The following CDK2 variants were observed in gnomAD, a reference collection of about 807,000 sequenced individuals.
CDK2 encodes the protein cyclin-dependent kinase 2.
A neutral mutation model predicts 35.0 loss-of-function variants in CDK2; 8 were observed. That is an observed-to-expected ratio of 0.23 (90% CI 0.13 to 0.41). CDK2 has a LOEUF of 0.41. Among genes scored for constraint, CDK2 ranks in the 10% least tolerant of loss-of-function variants. The pLI is 1.00. For synonymous variants in CDK2, 134 were observed against 137.7 expected (o/e 0.97, Z 0.19); for missense variants, 201 against 367.1 (o/e 0.55, Z 3.70).
In CDK2 at chr12:55,967,895, T is replaced by C. The variant is rs1000506207; in HGVS notation, c.155T>C (p.Ile52Thr). The C allele has an allele frequency of 6.2e-7, 1 of 1,613,992 alleles. No homozygotes were observed. The highest frequency in any genetic ancestry group is 8.5e-7 in the Non-Finnish European group (1 of 1,180,020). ...GTGCCCAGTACTGCCATCCGAGAGA[T>C]CTCTCTGCTTAAGGAGCTTAACCAT... ...EGVPSTAIRE[I>T]SLLKELNHPN... Residue 52 changes from isoleucine (I) to threonine (T), a missense_variant, in exon 2 of 7, where the codon ATC becomes ACC. By Grantham distance (89) the Ile-to-Thr change is moderately conservative (BLOSUM62 -1). Around this residue, in one of 5 missense-constraint regions of CDK2, gnomAD observed 37 missense variants for 108.4 expected, o/e 0.34. Coordinates refer to ENST00000266970, the MANE Select transcript of CDK2 (RefSeq NM_001798.5).
rs954140910 is a variant in CDK2, at chr12:55,968,831, C to T, written c.369C>T (p.Val123=). 6.2e-7 allele frequency: 1 copy of T among 1,611,688 alleles called. No individual in the cohort carries two copies. Among genetic ancestry groups the T allele is most frequent in the African/African-American group, 1.3e-5 (1 of 74,504 alleles). The change falls in exon 4 of 7, where the codon GTC becomes GTT. Residue 123 remains valine (V), a synonymous_variant. Transcript: ENST00000266970. ...TAGCTTTCTGCCATTCTCATCGGGT[C>T]CTCCACCGAGACCTTAAACCTCAGA... ...QGLAFCHSHR[V]LHRDLKPQNL...
In CDK2 at chr12:55,968,671, CTA is replaced by C. The variant is rs3213121; in HGVS notation, c.316-104_316-103del. 1.1e-4 allele frequency: 88 copies of C among 825,592 alleles called. 2 individuals are homozygous for C. In the African/African-American group the frequency reaches 1.4e-3, roughly 13 times the overall value. 51.1% of individuals were successfully genotyped at this position (825,592 alleles called of 1,614,324 possible). On this transcript the variant is annotated intron_variant, in intron 3 of 6. Transcript: ENST00000266970. ...GGAGAAATAGCTTGTAAATATGTAA[CTA>C]TAATCCAACATAATAAAGGCTTTAG...
Position 55,972,478 on chromosome 12 carries a change from C to T in CDK2, c.*853C>T, listed in dbSNP as rs1441435858. The stretch of plus-strand genomic sequence containing the variant: ...TTAGGCATCATTTTGAGAATGCTGA[C>T]ACTTTTTCAGGGCTGTGATTGAGTG... On this transcript the variant is annotated 3_prime_UTR_variant, in exon 7 of 7. Coordinates refer to ENST00000266970, the MANE Select transcript of CDK2 (RefSeq NM_001798.5). 2 of 152,058 alleles carry T rather than the reference C, an allele frequency of 1.3e-5. No homozygotes were observed. Among genetic ancestry groups the T allele is most frequent in the East Asian group, 3.9e-4 (2 of 5,192 alleles). 9.4% of individuals were successfully genotyped at this position (152,058 alleles called of 1,614,324 possible). A position where few individuals can be genotyped will look rare whatever the true frequency, so the allele number is the denominator to read the frequency against.
Position 55,967,026 on chromosome 12 carries a change from G to A in CDK2, c.18G>A (p.Lys6=). The A allele has an allele frequency of 1.2e-6, 2 of 1,613,378 alleles. No individual in the cohort carries two copies. Among genetic ancestry groups the A allele is most frequent in the Non-Finnish European group, 1.7e-6 (2 of 1,179,750 alleles). The change falls in exon 1 of 7, where the codon AAG becomes AAA. Residue 6 remains lysine, a synonymous_variant. Coordinates refer to ENST00000266970, the MANE Select transcript of CDK2 (RefSeq NM_001798.5). ...GGCGCTTCATGGAGAACTTCCAAAAGGTGGAAAAGATCGGAGAGGGCACGT... is the reference window on the plus strand; with the variant it reads ...GGCGCTTCATGGAGAACTTCCAAAAAGTGGAAAAGATCGGAGAGGGCACGT... MENFQ[K]VEKIGEGTYG...
intron 5 of CDK2, chr12:55,970,818 T>C (rs1416348270): frequency 4.3e-6 from 3 of 695,546 alleles, no homozygotes; most frequent in African/African-American, 1.8e-5. Context: ...CACCCAGCCT[T>C]GGGGATCTGC....
In CDK2 at chr12:55,966,972, G is replaced by C. The variant is rs777622443; in HGVS notation, c.-37G>C. On this transcript the variant is annotated 5_prime_UTR_variant, in exon 1 of 7. Transcript: ENST00000266970. ...CCTTCTGCAGGGTTCCCAGGCCCCCGCTCCAGGGCCGGGCTGACCCGACTC... is the reference window on the plus strand; with the variant it reads ...CCTTCTGCAGGGTTCCCAGGCCCCCCCTCCAGGGCCGGGCTGACCCGACTC... 3 of 1,536,434 alleles carry C rather than the reference G, an allele frequency of 2.0e-6. No individual in the cohort carries two copies. The South Asian group carries it at 3.5e-5, about 18-fold the overall frequency.
intron 1 of CDK2, chr12:55,967,546 C>T: frequency 2.2e-6 from 1 of 458,432 alleles, no homozygotes; most frequent in Non-Finnish European, 4.0e-6. Context: ...GGCAGTTGAA[C>T]CTCACTGGCC....
chr12:55,971,028 CT>C lies in CDK2; in HGVS notation c.589-13del. On this transcript the variant is annotated splice_polypyrimidine_tract_variant and intron_variant, in intron 5 of 6. Coordinates refer to ENST00000266970, the MANE Select transcript of CDK2 (RefSeq NM_001798.5). ...GTCAACGTGGGTCTTGGTATTTCCT[CT>C]TTCCCCATTTTCAGGTGACTCGCCG... 1 of 1,611,592 alleles carries C rather than the reference CT, an allele frequency of 6.2e-7. No homozygotes were observed. Among genetic ancestry groups the C allele is most frequent in the Non-Finnish European group, 8.5e-7 (1 of 1,177,712 alleles).
At chr12:55,967,584 G>T in intron 1 of CDK2, 1 of 503,532 alleles carries the variant, frequency 2.0e-6, no homozygotes, top group Non-Finnish European at 3.6e-6. Context: ...GGCTACTCCT[G>T]CATTTTTTCC....
chr12:55,971,019 G>A (rs1565781890), intron 5 of CDK2, 25 bp from the exon 6 acceptor site: 1 of 1,603,766 alleles, frequency 6.2e-7, no homozygotes, highest in East Asian at 2.2e-5. Context: ...GTGGGTCTTG[G>A]TATTTCCTCT....
intron 4 of CDK2, among the ~76,000 whole-genome samples, chr12:55,969,186 G>A (rs762963503): frequency 2.0e-5 from 3 of 152,184 alleles, no homozygotes; most frequent in African/African-American, 7.2e-5. Context: ...CCAGGAGTTC[G>A]AGACCATCAT....
chr12:55,968,599 A>C (rs575004758), intron 3 of CDK2, among the ~76,000 whole-genome samples, 179 bp from the exon 4 acceptor site: 31 of 152,310 alleles, frequency 2.0e-4, no homozygotes, highest in African/African-American at 7.5e-4. Flanking sequence ...GGGATGGAAA[A>C]TTGAGTAAGA....
intron 1 of CDK2, 47 bp downstream of exon 1, chr12:55,967,171 T>C (rs1048878253): frequency 1.4e-6 from 2 of 1,403,690 alleles, no homozygotes; most frequent in African/African-American, 2.8e-5. Context: ...ACCTCCTTGA[T>C]TGTCCCCCCC....
Position 55,966,891 on chromosome 12 carries a change from G to T in CDK2, c.-118G>T. The T allele has an allele frequency of 2.1e-6, 2 of 941,116 alleles. No homozygotes were observed. The highest frequency in any genetic ancestry group is 3.2e-6 in the Non-Finnish European group (2 of 626,092). The allele number at this position is 941,116 out of a possible 1,614,324, so 58.3% of individuals were successfully genotyped here. A position where few individuals can be genotyped will look rare whatever the true frequency, so the allele number is the denominator to read the frequency against. On this transcript the variant is annotated 5_prime_UTR_variant, in exon 1 of 7. Transcript: ENST00000266970. ...GTATACTGCGTTCCATCCCGACCCG[G>T]GGCCACGGTACTGGGCCCTGTTTCC...
At position 55,971,613 on chromosome 12, in the gene CDK2, T is replaced by C. The variant is rs1374832694; in HGVS notation, c.885T>C (p.His295=). 3 of 1,612,682 alleles carry C rather than the reference T, an allele frequency of 1.9e-6. No homozygotes were observed. The highest frequency in any genetic ancestry group is 1.7e-4 in the Middle Eastern group (1 of 6,060). ...FFQDVTKPVP[H]LRL is the part of the protein sequence containing the mutation. ...AGGATGTGACCAAGCCAGTACCCCA[T>C]CTTCGACTCTGATAGCCTTCTTGAA... Residue 295 remains histidine, a synonymous_variant, in exon 7 of 7, where the codon CAT becomes CAC. Coordinates refer to ENST00000266970, the MANE Select transcript of CDK2 (RefSeq NM_001798.5).
rs1191058048 is a variant in CDK2 at position 55,971,200 on chromosome 12, A to G, written c.745A>G (p.Ser249Gly). The change falls in exon 6 of 7, where the codon AGT becomes GGT. Residue 249 changes from serine to glycine, a missense_variant. Ser to Gly is a moderately conservative substitution (Grantham distance 56). Coordinates refer to ENST00000266970, the MANE Select transcript of CDK2 (RefSeq NM_001798.5). The part of the protein sequence containing the change: ...SFPKWARQDF[S>G]KVVPPLDEDG... ...CCCCAAGTGGGCCCGGCAAGATTTT[A>G]GTAAAGTTGTACCTCCCCTGGATGA... 6.2e-7 allele frequency: 1 copy of G among 1,614,092 alleles called. No homozygotes were observed. Among genetic ancestry groups the G allele is most frequent in the South Asian group, 1.1e-5 (1 of 91,084 alleles).
Position 55,966,859 on chromosome 12 carries a change from G to A in CDK2, c.-150G>A, listed in dbSNP as rs1014993688. 18 of 852,398 alleles carry A rather than the reference G, an allele frequency of 2.1e-5. No homozygotes were observed. Among genetic ancestry groups the A allele is most frequent in the Non-Finnish European group, 2.8e-5 (16 of 567,594 alleles). The allele number at this position is 852,398 out of a possible 1,614,324, so 52.8% of individuals were successfully genotyped here. A position where few individuals can be genotyped will look rare whatever the true frequency, so the allele number is the denominator to read the frequency against. On this transcript the variant is annotated 5_prime_UTR_variant, in exon 1 of 7. Transcript: ENST00000266970. ...TTTCAAGTTGGCCAAATTGACAAGA[G>A]CGAGAGGTATACTGCGTTCCATCCC...
Position 55,971,218 on chromosome 12 carries a change from C to G in CDK2, c.763C>G (p.Leu255Val), listed in dbSNP as rs1359177454. ...AGATTTTAGTAAAGTTGTACCTCCC[C>G]TGGATGAAGATGGACGGAGCTTGTT... ...RQDFSKVVPPLDEDGRSLLSQ... is the reference protein window; with the variant it reads ...RQDFSKVVPPVDEDGRSLLSQ... The change falls in exon 6 of 7, where the codon CTG becomes GTG. Residue 255 changes from leucine (L) to valine (V), a missense_variant. Coordinates refer to ENST00000266970, the MANE Select transcript of CDK2 (RefSeq NM_001798.5). 8 of 1,614,040 alleles carry G rather than the reference C, an allele frequency of 5.0e-6. No homozygotes were observed. The East Asian group carries it at 1.8e-4, about 36-fold the overall frequency.
At position 55,971,890 on chromosome 12, in the gene CDK2, G is replaced by T; in HGVS notation, c.*265G>T. The T allele has an allele frequency of 2.4e-6, 1 of 413,892 alleles. No homozygotes were observed. Among genetic ancestry groups the T allele is most frequent in the Non-Finnish European group, 4.3e-6 (1 of 232,694 alleles). 25.6% of individuals were successfully genotyped at this position (413,892 alleles called of 1,614,324 possible). A position where few individuals can be genotyped will look rare whatever the true frequency, so the allele number is the denominator to read the frequency against. On this transcript the variant is annotated 3_prime_UTR_variant, in exon 7 of 7. Coordinates refer to ENST00000266970, the MANE Select transcript of CDK2 (RefSeq NM_001798.5). ...CTCTTAGTTATTGCTGAAGAGGGTTGGTATAAAAATAATTTTAAAAAAGCC... is the reference window on the plus strand; with the variant it reads ...CTCTTAGTTATTGCTGAAGAGGGTTTGTATAAAAATAATTTTAAAAAAGCC...
Sources: allele counts gnomAD v4.1 joint callset (sites outside exome capture counted in the v4.1 genomes callset), GRCh38; gene constraint gnomAD v4.1.1; regional missense constraint gnomAD v4.1.1; transcripts MANE v1.5; gene names NCBI Gene and HGNC (gene_info 2026-07-23, HGNC 2026-07-21).